Variants in SYT1 observed in about 807,000 individuals in gnomAD.
SYT1 encodes synaptotagmin-1.
A neutral mutation model predicts 44.8 loss-of-function variants in SYT1; 8 were observed. The ratio of observed to expected loss-of-function variants is 0.18; its 90% CI spans 0.10 to 0.32. The LOEUF is 0.32. Among genes scored for constraint, SYT1 ranks in the 10% least tolerant of loss-of-function variants. The pLI, the probability that SYT1 is intolerant of heterozygous loss-of-function variation, is 1.00. For missense variants in SYT1, 286 were observed against 509.3 expected (o/e 0.56, Z 4.22); for synonymous variants, 154 against 188.8 (o/e 0.82, Z 1.51).
At chr12:79,248,501 CATGGAAATATCAA>C (rs1402110671) in intron 4 of SYT1, among the ~76,000 whole-genome samples, 1 of 152,014 alleles carries the variant, frequency 6.6e-6, no homozygotes, top group Non-Finnish European at 1.5e-5. Context: ...GCAATTTACG[CATGGAAATATCAA>C]AAGGAAGGAG....
At chr12:79,199,295 T>A (rs560651869) in intron 3 of SYT1, among the ~76,000 whole-genome samples, 1 of 152,148 alleles carries the variant, frequency 6.6e-6, no homozygotes, top group African/African-American at 2.4e-5. Context: ...CTCTGCAAAA[T>A]GCTGGCTGAA....
chr12:78,977,112 G>T (rs1868899412), intron 1 of SYT1, among the ~76,000 whole-genome samples: 1 of 147,752 alleles, frequency 6.8e-6, no homozygotes, highest in Non-Finnish European at 1.5e-5. Context: ...AGAAAAAAAT[G>T]TAAAAGAAAG....
chr12:78,899,491 T>C (rs1875541691), intron 1 of SYT1, among the ~76,000 whole-genome samples: 1 of 152,054 alleles, frequency 6.6e-6, no homozygotes, highest in Non-Finnish European at 1.5e-5. Flanking sequence ...TACATATGAA[T>C]GTATTATAAG....
intron 2 of SYT1, among the ~76,000 whole-genome samples, chr12:79,010,118 C>T (rs1871324118): frequency 6.6e-6 from 1 of 152,094 alleles, no homozygotes; most frequent in Non-Finnish European, 1.5e-5. Flanking sequence ...GTTAATGTTT[C>T]TTTATCCTGT....
intron 7 of SYT1, 51 bp downstream of exon 7, chr12:79,296,287 G>A: frequency 1.9e-6 from 3 of 1,557,406 alleles, no homozygotes; most frequent in Non-Finnish European, 2.6e-6. Context: ...TTACTTAAAA[G>A]ACTGATCTCA....
chr12:79,239,375 C>T (rs1004015665), intron 4 of SYT1, among the ~76,000 whole-genome samples: 1 of 152,158 alleles, frequency 6.6e-6, no homozygotes, highest in Non-Finnish European at 1.5e-5. Context: ...CAAGAGAAGC[C>T]AACGGACACA....
chr12:78,984,138 A>T (rs982378329), intron 2 of SYT1, among the ~76,000 whole-genome samples: 4 of 151,898 alleles, frequency 2.6e-5, no homozygotes, highest in African/African-American at 4.8e-5. Context: ...ACAAATTGCC[A>T]AGAGAATTAT....
At chr12:79,358,101 G>C (rs1282646822) in intron 9 of SYT1, among the ~76,000 whole-genome samples, 1 of 152,036 alleles carries the variant, frequency 6.6e-6, no homozygotes, top group Non-Finnish European at 1.5e-5. Flanking sequence ...GTTTTGTTTT[G>C]TTTTTTGTCA....
intron 3 of SYT1, among the ~76,000 whole-genome samples, chr12:79,088,870 T>C (rs758543729): frequency 9.9e-5 from 15 of 151,734 alleles, no homozygotes; most frequent in Admixed American, 6.6e-5. Flanking sequence ...ATGGAGTAGA[T>C]ATGTGGCATT....
At chr12:79,052,045 T>C (rs1032098146) in intron 3 of SYT1, among the ~76,000 whole-genome samples, 2 of 152,108 alleles carry the variant, frequency 1.3e-5, no homozygotes, top group Non-Finnish European at 2.9e-5. Flanking sequence ...TTTAAAATAG[T>C]TTTTTCCAAT....
At chr12:78,985,238 T>G (rs1465207941) in intron 2 of SYT1, among the ~76,000 whole-genome samples, 2 of 151,958 alleles carry the variant, frequency 1.3e-5, no homozygotes, top group African/African-American at 4.8e-5. Context: ...CTCCCAATTC[T>G]CACATATTTA....
chr12:79,082,012 T>C (rs898058933), intron 3 of SYT1, among the ~76,000 whole-genome samples: 4 of 152,142 alleles, frequency 2.6e-5, no homozygotes, highest in Admixed American at 6.6e-5. Context: ...AAGTAGTACA[T>C]ACATTGACAT....
intron 1 of SYT1, among the ~76,000 whole-genome samples, chr12:78,948,629 A>G (rs1027916212): frequency 2.1e-4 from 32 of 152,016 alleles, no homozygotes; most frequent in Non-Finnish European, 4.4e-5. Flanking sequence ...TGTGAATTTT[A>G]TTAACCTAAG....
intron 3 of SYT1, among the ~76,000 whole-genome samples, chr12:79,184,182 G>A (rs948353411): frequency 2.0e-5 from 3 of 151,854 alleles, no homozygotes; most frequent in East Asian, 1.9e-4. Context: ...TCTATTTCAC[G>A]TGATGGAAAA....
intron 3 of SYT1, among the ~76,000 whole-genome samples, chr12:79,179,386 C>CAATATAGATATCCATATA (rs1565842032): frequency 1.3e-4 from 8 of 59,370 alleles, no homozygotes; most frequent in Non-Finnish European, 2.7e-4. Context: ...ATAGATATAT[C>CAATATAGATATCCATATA]GATATAGATA....
At chr12:79,024,727 G>A (rs1872415701) in intron 2 of SYT1, among the ~76,000 whole-genome samples, 1 of 151,812 alleles carries the variant, frequency 6.6e-6, no homozygotes, top group East Asian at 1.9e-4. Flanking sequence ...TATCATTTCT[G>A]TAGGGGGATG....
chr12:79,282,962 C>G (rs1879125113), intron 4 of SYT1, among the ~76,000 whole-genome samples: 1 of 152,082 alleles, frequency 6.6e-6, no homozygotes, highest in East Asian at 1.9e-4. Flanking sequence ...CATGTTTCTA[C>G]AAATACTGCA....
intron 2 of SYT1, among the ~76,000 whole-genome samples, chr12:79,024,612 C>T (rs1033868223): frequency 1.6e-4 from 24 of 151,782 alleles, no homozygotes; most frequent in African/African-American, 5.8e-4. Context: ...ACCAGAGTTT[C>T]TAATTGCTAG....
At chr12:78,955,908 T>C (rs1370023052) in intron 1 of SYT1, among the ~76,000 whole-genome samples, 2 of 151,872 alleles carry the variant, frequency 1.3e-5, no homozygotes, top group African/African-American at 2.4e-5. Context: ...TTTTCCCCTA[T>C]CTTTTGAAAT....
Sources: allele counts gnomAD v4.1 joint callset (sites outside exome capture counted in the v4.1 genomes callset), GRCh38; gene constraint gnomAD v4.1.1; transcripts MANE v1.5; gene names NCBI Gene and HGNC (gene_info 2026-07-23, HGNC 2026-07-21).